The following LRP1B variants were observed in gnomAD, a reference collection of about 807,000 sequenced individuals.
The protein encoded by LRP1B is LDL receptor related protein 1B, also known as low-density lipoprotein receptor-related protein 1B.
LRP1B carries 217 observed loss-of-function variants against 556.6 expected under a neutral mutation model. The observed-to-expected ratio is 0.39, with a 90% CI of 0.35 to 0.44. LRP1B has a LOEUF of 0.44. Ranked by LOEUF, LRP1B falls within the 20% of genes least tolerant of loss-of-function variation. LRP1B has a pLI of 1.00. For missense variants in LRP1B, 5,053 were observed against 5,620.8 expected (o/e 0.90, Z 3.23); for synonymous variants, 2,047 against 1,865.8 (o/e 1.10, Z -2.50).
chr2:141,698,322 A>G (rs1162099869), intron 2 of LRP1B, among the ~76,000 whole-genome samples: 2 of 151,710 alleles, frequency 1.3e-5, no homozygotes, highest in African/African-American at 2.4e-5. Context: ...TATACAGAGG[A>G]TAACAATAAA....
At chr2:140,856,325 C>T (rs538626933) in intron 27 of LRP1B, among the ~76,000 whole-genome samples, 104 of 152,266 alleles carry the variant, frequency 6.8e-4, no homozygotes, top group African/African-American at 2.2e-3. Flanking sequence ...TCTAATGAAG[C>T]CAGCTAATGC....
intron 31 of LRP1B, among the ~76,000 whole-genome samples, chr2:140,814,162 A>G (rs1691025272): frequency 6.6e-6 from 1 of 151,932 alleles, no homozygotes; most frequent in African/African-American, 2.4e-5. Context: ...TATTTTTTTA[A>G]TAAAAGGGGC....
At chr2:140,305,859 T>C (rs2105017346) in intron 83 of LRP1B, among the ~76,000 whole-genome samples, 1 of 152,178 alleles carries the variant, frequency 6.6e-6, no homozygotes, top group African/African-American at 2.4e-5. Flanking sequence ...GTTTTTAGCA[T>C]GAAGGGCTGT....
intron 67 of LRP1B, among the ~76,000 whole-genome samples, chr2:140,385,395 C>T (rs1288949411): frequency 2.0e-5 from 3 of 151,964 alleles, no homozygotes; most frequent in African/African-American, 7.3e-5. Context: ...CAGATGATAA[C>T]AATAGTGTTA....
At chr2:141,859,056 T>C (rs1260080296) in intron 1 of LRP1B, among the ~76,000 whole-genome samples, 10 of 152,142 alleles carry the variant, frequency 6.6e-5, no homozygotes, top group African/African-American at 2.2e-4. Context: ...TTTAAATCCA[T>C]CTTGCTGTGA....
chr2:141,079,178 C>G (rs1407363490), intron 7 of LRP1B, among the ~76,000 whole-genome samples: 1 of 152,088 alleles, frequency 6.6e-6, no homozygotes, highest in African/African-American at 2.4e-5. Context: ...AACAAACAAA[C>G]AAACAAAAAC....
intron 6 of LRP1B, among the ~76,000 whole-genome samples, chr2:141,203,447 C>T (rs182456401): frequency 2.6e-4 from 39 of 152,016 alleles, no homozygotes; most frequent in African/African-American, 9.2e-4. Context: ...AAGGGCATTA[C>T]ATAATGGTAA....
chr2:141,379,915 C>T (rs1452250257), intron 3 of LRP1B, among the ~76,000 whole-genome samples: 1 of 152,166 alleles, frequency 6.6e-6, no homozygotes, highest in Non-Finnish European at 1.5e-5. Context: ...CAGCTACTGC[C>T]TAAAGGTCTG....
chr2:140,660,289 C>A (rs762817248), intron 41 of LRP1B, among the ~76,000 whole-genome samples: 3 of 151,860 alleles, frequency 2.0e-5, no homozygotes, highest in African/African-American at 4.8e-5. Context: ...ACCCATAGTT[C>A]TTTTTGCATA....
intron 27 of LRP1B, among the ~76,000 whole-genome samples, chr2:140,857,863 C>T (rs916815531): frequency 6.6e-5 from 10 of 151,982 alleles, no homozygotes; most frequent in African/African-American, 2.4e-4. Flanking sequence ...AACTAACTTT[C>T]AGTCGTTCTA....
intron 7 of LRP1B, among the ~76,000 whole-genome samples, chr2:141,066,153 C>T (rs1210866807): frequency 1.3e-5 from 2 of 151,978 alleles, no homozygotes; most frequent in African/African-American, 4.8e-5. Context: ...TATTAGCTCA[C>T]AAAAGAAAAC....
intron 41 of LRP1B, among the ~76,000 whole-genome samples, chr2:140,659,257 T>TCTA (rs1685006686): frequency 6.6e-6 from 1 of 151,888 alleles, no homozygotes; most frequent in Non-Finnish European, 1.5e-5. Flanking sequence ...ACTAGAAACA[T>TCTA]GTCATCTAAT....
At chr2:141,676,974 T>C (rs534874845) in intron 2 of LRP1B, among the ~76,000 whole-genome samples, 5 of 152,136 alleles carry the variant, frequency 3.3e-5, no homozygotes, top group Non-Finnish European at 7.4e-5. Flanking sequence ...AGTCTGTGGA[T>C]GATGCAGATA....
chr2:140,589,950 A>G (rs894949646), intron 43 of LRP1B, among the ~76,000 whole-genome samples: 2 of 152,090 alleles, frequency 1.3e-5, no homozygotes, highest in South Asian at 4.1e-4. Context: ...AAGTGTCTAT[A>G]CCCTGGTTGT....
intron 32 of LRP1B, among the ~76,000 whole-genome samples, chr2:140,801,947 C>T (rs1690529356): frequency 6.6e-6 from 1 of 151,934 alleles, no homozygotes; most frequent in South Asian, 2.1e-4. Flanking sequence ...AGTAATGAAA[C>T]AAACAAAAAG....
At chr2:141,040,891 C>T (rs1027130190) in intron 11 of LRP1B, among the ~76,000 whole-genome samples, 9 of 152,036 alleles carry the variant, frequency 5.9e-5, no homozygotes, top group East Asian at 1.9e-4. Context: ...ACACATCTTT[C>T]GGAGAATATA....
chr2:141,111,006 T>C (rs1174915230), intron 7 of LRP1B, among the ~76,000 whole-genome samples: 2 of 152,130 alleles, frequency 1.3e-5, no homozygotes, highest in Admixed American at 1.3e-4. Flanking sequence ...ACAGTCTACT[T>C]TGGAAAGAAG....
chr2:140,979,331 A>C (rs1429361), intron 18 of LRP1B, among the ~76,000 whole-genome samples: 1 of 152,202 alleles, frequency 6.6e-6, no homozygotes, highest in Non-Finnish European at 1.5e-5. Flanking sequence ...CTGTAAAGCA[A>C]GTGGCATTAT....
intron 2 of LRP1B, among the ~76,000 whole-genome samples, chr2:141,772,551 G>A (rs10928122): frequency 1.3e-5 from 2 of 151,996 alleles, no homozygotes; most frequent in African/African-American, 2.4e-5. Flanking sequence ...AGGGTCCGGC[G>A]CTGGTGGATT....
Sources: allele counts gnomAD v4.1 joint callset (sites outside exome capture counted in the v4.1 genomes callset), GRCh38; gene constraint gnomAD v4.1.1; transcripts MANE v1.5; gene names NCBI Gene and HGNC (gene_info 2026-07-23, HGNC 2026-07-21).